ADGRB3: variants seen among roughly 807,000 people sequenced by gnomAD.
The protein encoded by ADGRB3 is adhesion G protein-coupled receptor B3, also known as brain-specific angiogenesis inhibitor 3.
ADGRB3 carries 37 observed loss-of-function variants against 193.4 expected under a neutral mutation model. The ratio of observed to expected loss-of-function variants is 0.19; its 90% confidence interval spans 0.15 to 0.25. ADGRB3 has a LOEUF of 0.25. ADGRB3 is among the 10% of genes least tolerant of loss of function. The probability of loss-of-function intolerance (pLI) is 1.00; values close to 1 mark genes in which losing one functional copy is unlikely to be tolerated. For missense variants in ADGRB3, 1,637 were observed against 1,852.9 expected (o/e 0.88, Z 2.14); for synonymous variants, 690 against 644.2 (o/e 1.07, Z -1.08).
intron 3 of ADGRB3, among the ~76,000 whole-genome samples, chr6:68,889,381 T>G (rs2150228368): frequency 6.6e-6 from 1 of 152,336 alleles, no homozygotes; most frequent in African/African-American, 2.4e-5. Context: ...CTGATCAACC[T>G]GAGACTATGA....
intron 3 of ADGRB3, among the ~76,000 whole-genome samples, chr6:68,812,591 T>A (rs374822872): frequency 6.6e-6 from 1 of 152,190 alleles, no homozygotes; most frequent in South Asian, 2.1e-4. Context: ...TGAGGACTTA[T>A]TCTCACAACA....
At chr6:69,383,570 C>A (rs1326665014) in intron 31 of ADGRB3, among the ~76,000 whole-genome samples, 1 of 151,926 alleles carries the variant, frequency 6.6e-6, no homozygotes, top group Non-Finnish European at 1.5e-5. Flanking sequence ...AGCACTAGAC[C>A]AGGACTCTAG....
chr6:69,122,849 C>T (rs978146683), intron 17 of ADGRB3, among the ~76,000 whole-genome samples: 3 of 151,888 alleles, frequency 2.0e-5, no homozygotes, highest in Admixed American at 2.0e-4. Flanking sequence ...TACATACATA[C>T]AACTTATTCT....
At chr6:68,731,933 G>A (rs541675057) in intron 3 of ADGRB3, among the ~76,000 whole-genome samples, 1 of 151,662 alleles carries the variant, frequency 6.6e-6, no homozygotes, top group Admixed American at 6.6e-5. Flanking sequence ...ATATACATAT[G>A]TCTTAAGGTT....
intron 17 of ADGRB3, among the ~76,000 whole-genome samples, chr6:69,228,357 T>G (rs1766062896): frequency 6.6e-6 from 1 of 152,210 alleles, no homozygotes; most frequent in African/African-American, 2.4e-5. Context: ...AATATAGTTC[T>G]CAAAAGCACT....
intron 3 of ADGRB3, among the ~76,000 whole-genome samples, chr6:68,925,163 A>G (rs1417086988): frequency 6.6e-6 from 1 of 151,986 alleles, no homozygotes; most frequent in Non-Finnish European, 1.5e-5. Flanking sequence ...GTACTAAAAA[A>G]TATCAAATGA....
At chr6:68,650,338 GT>G (rs567612272) in intron 3 of ADGRB3, among the ~76,000 whole-genome samples, 2 of 150,998 alleles carry the variant, frequency 1.3e-5, no homozygotes, top group Non-Finnish European at 3.0e-5. Context: ...TTATCTGTTG[GT>G]TTTTTTTTAA....
intron 8 of ADGRB3, among the ~76,000 whole-genome samples, chr6:68,969,319 A>T (rs1308833144): frequency 6.6e-6 from 1 of 152,216 alleles, no homozygotes; most frequent in Non-Finnish European, 1.5e-5. Flanking sequence ...ACCCCTCAAA[A>T]TAAGAATATC....
chr6:68,956,327 G>A (rs1354937133), intron 7 of ADGRB3, 139 bp downstream of exon 7: 43 of 855,352 alleles, frequency 5.0e-5, no homozygotes, highest in Middle Eastern at 3.5e-4. Context: ...GTGTGTGTGT[G>A]TATACATGTA....
intron 20 of ADGRB3, among the ~76,000 whole-genome samples, chr6:69,252,248 A>T (rs1766639714): frequency 6.6e-6 from 1 of 152,018 alleles, no homozygotes. Flanking sequence ...ATTATTCTTT[A>T]TTGCTGAGTA....
chr6:69,002,319 A>T (rs751560475), intron 11 of ADGRB3, among the ~76,000 whole-genome samples: 3 of 151,574 alleles, frequency 2.0e-5, no homozygotes, highest in Non-Finnish European at 4.4e-5. Flanking sequence ...CCCTGGTTCA[A>T]GCGATTCTCC....
intron 3 of ADGRB3, among the ~76,000 whole-genome samples, chr6:68,893,479 T>A (rs1052679310): frequency 6.6e-6 from 1 of 150,448 alleles, no homozygotes; most frequent in South Asian, 2.1e-4. Flanking sequence ...TGAGGGTACA[T>A]ACCTACTGAT....
At chr6:69,041,891 C>T (rs1369195318) in intron 13 of ADGRB3, among the ~76,000 whole-genome samples, 1 of 152,154 alleles carries the variant, frequency 6.6e-6, no homozygotes, top group East Asian at 1.9e-4. Flanking sequence ...CATGCCTGGC[C>T]ATGATGTTTT....
At chr6:68,859,821 T>C (rs981744964) in intron 3 of ADGRB3, among the ~76,000 whole-genome samples, 3 of 152,162 alleles carry the variant, frequency 2.0e-5, no homozygotes, top group Admixed American at 1.3e-4. Context: ...TGAGTAGCTA[T>C]GATAGGCCAA....
At chr6:69,279,160 A>G (rs1381066008) in intron 20 of ADGRB3, among the ~76,000 whole-genome samples, 1 of 143,816 alleles carries the variant, frequency 7.0e-6, no homozygotes, top group Non-Finnish European at 1.5e-5. Context: ...CAATAAACAC[A>G]TTGTAAGCTG....
chr6:69,004,550 C>T (rs959055282), intron 11 of ADGRB3, among the ~76,000 whole-genome samples: 1 of 148,964 alleles, frequency 6.7e-6, no homozygotes, highest in African/African-American at 2.5e-5. Context: ...TCTCCTAATG[C>T]TATCCCTCCC....
chr6:68,944,055 T>A, intron 6 of ADGRB3, 61 bp downstream of exon 6: 4 of 1,491,812 alleles, frequency 2.7e-6, no homozygotes, highest in Non-Finnish European at 3.7e-6. Context: ...ATTCCTAGTG[T>A]ACACAAGAAA....
intron 3 of ADGRB3, among the ~76,000 whole-genome samples, chr6:68,910,757 T>G (rs959488320): frequency 2.6e-5 from 4 of 152,180 alleles, no homozygotes; most frequent in Admixed American, 2.6e-4. Flanking sequence ...TCTGTTCCAT[T>G]GATCTATATC....
intron 20 of ADGRB3, among the ~76,000 whole-genome samples, chr6:69,246,286 G>A (rs1456182802): frequency 6.6e-6 from 1 of 152,086 alleles, no homozygotes; most frequent in Non-Finnish European, 1.5e-5. Context: ...TTTAATGGTC[G>A]AGGCTAACAC....
Sources: allele counts gnomAD v4.1 joint callset (sites outside exome capture counted in the v4.1 genomes callset), GRCh38; gene constraint gnomAD v4.1.1; transcripts MANE v1.5; gene names NCBI Gene and HGNC (gene_info 2026-07-23, HGNC 2026-07-21).